Variants in PIGN observed in about 807,000 individuals in gnomAD.
The protein encoded by PIGN is GPI ethanolamine phosphate transferase 1.
PIGN carries 117 observed loss-of-function variants against 125.4 expected under a neutral mutation model. The observed-to-expected ratio is 0.93, with a 90% CI of 0.80 to 1.09. PIGN has a LOEUF of 1.09. Ranked by LOEUF, PIGN falls within the 50% of genes least tolerant of loss-of-function variation. The pLI is 0.00. For missense variants in PIGN, 1,075 were observed against 1,094.9 expected (o/e 0.98, Z 0.26); for synonymous variants, 392 against 377.8 (o/e 1.04, Z -0.44).
At chr18:62,037,202 C>G (rs1480968688), downstream of PIGN, among the ~76,000 whole-genome samples, 2 of 152,170 alleles carry the variant, frequency 1.3e-5, no homozygotes, top group African/African-American at 4.8e-5. Flanking sequence ...CCCAAGGAAG[C>G]AGTTGTATAC....
At chr18:62,151,398 T>C (rs2036530907) in intron 7 of PIGN, among the ~76,000 whole-genome samples, 1 of 152,204 alleles carries the variant, frequency 6.6e-6, no homozygotes. Flanking sequence ...GAGATGCAAC[T>C]TCTCAGGTAT....
chr18:62,154,672 A>C (rs2036658870), intron 6 of PIGN, 21 bp from the exon 7 acceptor site: 1 of 1,085,086 alleles, frequency 9.2e-7, no homozygotes. Context: ...AATTTGGAAA[A>C]AATAATCTTT....
intron 27 of PIGN, among the ~76,000 whole-genome samples, chr18:62,084,168 A>G: frequency 6.6e-6 from 1 of 152,210 alleles, no homozygotes; most frequent in East Asian, 1.9e-4. Flanking sequence ...TTCCAGGTAC[A>G]TGGCTTATGA....
intron 20 of PIGN, among the ~76,000 whole-genome samples, chr18:62,103,119 G>A (rs938205428): frequency 6.6e-6 from 1 of 152,032 alleles, no homozygotes; most frequent in African/African-American, 2.4e-5. Flanking sequence ...GATACTGCTG[G>A]ATGGGGTTAT....
intron 23 of PIGN, among the ~76,000 whole-genome samples, chr18:62,027,228 G>A (rs781728672): frequency 3.9e-5 from 6 of 152,082 alleles, no homozygotes; most frequent in African/African-American, 7.2e-5. Context: ...AAAGGAGGCC[G>A]AGAGGAGAAG....
chr18:62,148,765 A>G (rs1441333582), intron 7 of PIGN, among the ~76,000 whole-genome samples: 1 of 152,148 alleles, frequency 6.6e-6, no homozygotes, highest in East Asian at 1.9e-4. Context: ...TGTACTATCA[A>G]CCTAGTCCAA....
intron 30 of PIGN, among the ~76,000 whole-genome samples, chr18:62,050,576 C>T (rs926695234): frequency 1.2e-4 from 18 of 151,132 alleles, no homozygotes; most frequent in Non-Finnish European, 2.4e-4. Flanking sequence ...GCTGAAGTTG[C>T]TTATCAGCTT....
downstream of PIGN, among the ~76,000 whole-genome samples, chr18:62,036,279 GA>G (rs1195545093): frequency 6.7e-6 from 1 of 149,456 alleles, no homozygotes; most frequent in African/African-American, 2.5e-5. Flanking sequence ...TTTTTTTAAA[GA>G]TTTTTTTAGA....
chr18:62,186,618 T>C (rs13380898), intron 1 of PIGN, among the ~76,000 whole-genome samples: 10,563 of 152,292 alleles, frequency 0.069, 434 homozygotes, highest in Middle Eastern at 0.16. Flanking sequence ...GAAGTCGTGC[T>C]GTCGCTAGGC....
intron 14 of PIGN, among the ~76,000 whole-genome samples, chr18:62,122,675 C>T (rs982360334): frequency 6.6e-6 from 1 of 152,098 alleles, no homozygotes; most frequent in African/African-American, 2.4e-5. Context: ...AAAAAAGACC[C>T]TGATTAGTTA....
At chr18:62,118,780 GA>G (rs1220196760) in intron 14 of PIGN, 1 of 151,506 alleles carries the variant, frequency 6.6e-6, no homozygotes, top group East Asian at 1.9e-4. Flanking sequence ...ATCTTAAGAA[GA>G]GTGAGAGAAA....
At chr18:62,111,038 C>T (rs180741148) in intron 16 of PIGN, among the ~76,000 whole-genome samples, 3 of 151,788 alleles carry the variant, frequency 2.0e-5, no homozygotes, top group Admixed American at 6.6e-5. Flanking sequence ...ATCAGTCCCT[C>T]GAACAAACCT....
At chr18:62,096,511 A>ATTTTTT (rs2034196258) in intron 22 of PIGN, among the ~76,000 whole-genome samples, 3 of 44,060 alleles carry the variant, frequency 6.8e-5, no homozygotes, top group African/African-American at 1.2e-4. Context: ...AAAATGAATT[A>ATTTTTT]TTTTCTTTTT....
intron 30 of PIGN, chr18:62,051,649 C>T (rs1011296655): frequency 1.3e-4 from 20 of 152,128 alleles, no homozygotes; most frequent in African/African-American, 3.9e-4. Context: ...TTTCAAAAAA[C>T]CAGCTCCTGG....
At chr18:62,172,231 C>T (rs28453360) in intron 1 of PIGN, among the ~76,000 whole-genome samples, 88,598 of 151,972 alleles carry the variant, frequency 0.58, 26,615 homozygotes, top group East Asian at 0.79. Context: ...TTCATCCTAA[C>T]TGTCAAATTT....
chr18:62,162,656 T>C (rs1332113945), intron 2 of PIGN: 1 of 152,160 alleles, frequency 6.6e-6, no homozygotes, highest in East Asian at 1.9e-4. Flanking sequence ...AAAGATATTC[T>C]ACAAAGTACA....
At chr18:62,138,852 T>G in intron 13 of PIGN, 131 bp downstream of exon 13, 1 of 568,266 alleles carries the variant, frequency 1.8e-6, no homozygotes, top group Middle Eastern at 4.8e-4. Context: ...ACAAGTCAAA[T>G]ACATAAAATT....
downstream of PIGN, among the ~76,000 whole-genome samples, chr18:62,037,885 TGTAAAGCCCCTG>T (rs558650422): frequency 6.6e-6 from 1 of 152,200 alleles, no homozygotes; most frequent in African/African-American, 2.4e-5. Context: ...AGATCATGAG[TGTAAAGCCCCTG>T]GCACAGGGCT....
At chr18:62,107,250 T>C (rs1215287286) in intron 17 of PIGN, among the ~76,000 whole-genome samples, 165 bp from the exon 18 acceptor site, 1 of 151,246 alleles carries the variant, frequency 6.6e-6, no homozygotes, top group African/African-American at 2.4e-5. Context: ...TATTTACCTA[T>C]TTTTTTTTAA....
Sources: allele counts gnomAD v4.1 joint callset (sites outside exome capture counted in the v4.1 genomes callset), GRCh38; gene constraint gnomAD v4.1.1; transcripts MANE v1.5; gene names NCBI Gene and HGNC (gene_info 2026-07-23, HGNC 2026-07-21).